The following SNTG1 variants were observed in gnomAD, a reference collection of about 807,000 sequenced individuals.
SNTG1 encodes the protein gamma-1-syntrophin.
Under a neutral mutation model 74.7 loss-of-function variants are expected in SNTG1, and 39 were observed. The ratio of observed to expected loss-of-function variants is 0.52; its 90% CI spans 0.40 to 0.68. The LOEUF is 0.68. Among genes scored for constraint, SNTG1 ranks in the 30% least tolerant of loss-of-function variants. The probability of loss-of-function intolerance (pLI) is 0.00; values close to 1 mark genes in which losing one functional copy is unlikely to be tolerated. For synonymous variants in SNTG1, 254 were observed against 217.1 expected, an observed-to-expected ratio of 1.17 and a Z score of -1.49; for missense variants, 685 against 609.5, an observed-to-expected ratio of 1.12 and a Z score of -1.30.
chr8:50,256,177 A>G (rs1048837037), intron 2 of SNTG1, among the ~76,000 whole-genome samples: 2 of 142,282 alleles, frequency 1.4e-5, no homozygotes, highest in African/African-American at 4.9e-5. Flanking sequence ...ATACATTCCC[A>G]TTTTGCTATA....
At chr8:50,758,209 T>C (rs6981207) in intron 18 of SNTG1, among the ~76,000 whole-genome samples, 66,162 of 151,724 alleles carry the variant, frequency 0.44, 16,654 homozygotes, top group African/African-American at 0.7. Flanking sequence ...TTTCAAATGC[T>C]TGTTCTAATA....
At chr8:49,936,892 T>C (rs1228315195) in intron 1 of SNTG1, among the ~76,000 whole-genome samples, 4 of 152,318 alleles carry the variant, frequency 2.6e-5, no homozygotes, top group Middle Eastern at 3.4e-3. Context: ...CTCATGTCTG[T>C]AATCCCAGCA....
chr8:50,418,771 C>G (rs1319328279), intron 4 of SNTG1, among the ~76,000 whole-genome samples: 1 of 152,086 alleles, frequency 6.6e-6, no homozygotes, highest in African/African-American at 2.4e-5. Flanking sequence ...ACAACGTTTC[C>G]TATCCCAATA....
At chr8:50,359,668 C>A (rs1189176018) in intron 2 of SNTG1, among the ~76,000 whole-genome samples, 1 of 152,088 alleles carries the variant, frequency 6.6e-6, no homozygotes, top group African/African-American at 2.4e-5. Context: ...ACTTTAAATG[C>A]GTGAAAGAAA....
At chr8:50,205,398 G>A (rs1244193701) in intron 2 of SNTG1, among the ~76,000 whole-genome samples, 10 of 152,128 alleles carry the variant, frequency 6.6e-5, no homozygotes, top group African/African-American at 2.2e-4. Context: ...CATATCCTTT[G>A]CCCACTTTTT....
chr8:50,213,630 G>C (rs1056800426), intron 2 of SNTG1, among the ~76,000 whole-genome samples: 4 of 151,904 alleles, frequency 2.6e-5, no homozygotes, highest in Admixed American at 2.6e-4. Context: ...TCTAACTGGT[G>C]TGAGATGGTA....
At chr8:50,327,656 C>CTGGTTATTG in intron 2 of SNTG1, among the ~76,000 whole-genome samples, 1 of 152,198 alleles carries the variant, frequency 6.6e-6, no homozygotes, top group South Asian at 2.1e-4. Flanking sequence ...TGACATTATA[C>CTGGTTATTG]TGGTTATTGA....
intron 2 of SNTG1, among the ~76,000 whole-genome samples, chr8:50,329,864 T>C (rs2090895654): frequency 6.6e-6 from 1 of 152,210 alleles, no homozygotes. Context: ...ACTTTTATGC[T>C]CTGCTTCCTT....
intron 18 of SNTG1, among the ~76,000 whole-genome samples, chr8:50,788,084 T>C (rs1447979697): frequency 6.6e-6 from 1 of 151,996 alleles, no homozygotes; most frequent in African/African-American, 2.4e-5. Flanking sequence ...TACACAATAA[T>C]GACATAAGTA....
At chr8:50,666,653 C>T (rs1291365470) in intron 15 of SNTG1, among the ~76,000 whole-genome samples, 1 of 151,942 alleles carries the variant, frequency 6.6e-6, no homozygotes, top group Non-Finnish European at 1.5e-5. Context: ...GTGAACCTGC[C>T]TCATATAGAG....
chr8:50,459,560 G>A (rs1433189223), intron 8 of SNTG1, among the ~76,000 whole-genome samples: 2 of 151,994 alleles, frequency 1.3e-5, no homozygotes, highest in African/African-American at 2.4e-5. Flanking sequence ...GGAGGTACAT[G>A]TGCAGGTTTT....
intron 13 of SNTG1, among the ~76,000 whole-genome samples, chr8:50,610,980 A>T (rs2094845681): frequency 6.6e-6 from 1 of 151,682 alleles, no homozygotes; most frequent in Non-Finnish European, 1.5e-5. Flanking sequence ...AAATAGCAAA[A>T]AAAAATTAAA....
intron 17 of SNTG1, among the ~76,000 whole-genome samples, chr8:50,719,412 C>T (rs2095482450): frequency 6.6e-6 from 1 of 152,130 alleles, no homozygotes; most frequent in Admixed American, 6.6e-5. Context: ...AATGACCTTT[C>T]ACCAGACACC....
intron 2 of SNTG1, among the ~76,000 whole-genome samples, chr8:50,232,210 T>G (rs776087953): frequency 6.6e-6 from 1 of 151,440 alleles, no homozygotes; most frequent in Non-Finnish European, 1.5e-5. Context: ...TTTAAAAATT[T>G]TGTAAAGTAG....
intron 9 of SNTG1, among the ~76,000 whole-genome samples, chr8:50,515,271 T>C (rs1002413192): frequency 3.3e-5 from 5 of 151,684 alleles, no homozygotes; most frequent in Non-Finnish European, 7.4e-5. Context: ...ATTCTTATAT[T>C]ATAGTCTATC....
intron 18 of SNTG1, among the ~76,000 whole-genome samples, chr8:50,779,372 AT>A (rs2095651330): frequency 1.3e-5 from 2 of 151,988 alleles, no homozygotes; most frequent in African/African-American, 4.8e-5. Context: ...ATCCTCTTTT[AT>A]TTCATCGAGC....
chr8:50,396,540 C>T lies in SNTG1; in HGVS notation c.27+2275C>T, dbSNP rs145243847. The stretch of plus-strand genomic sequence containing the variant: ...TAAAAGAACATTTAGTACACTACTG[C>T]TACAATGCAGTACAGTATAAGACAA... On this transcript the variant is annotated intron_variant, in intron 3 of 18. Transcript: ENST00000642720. 5.9e-5 allele frequency among the ~76,000 whole-genome samples: 9 copies of T among 152,280 alleles called. No individual in the cohort carries two copies. In the East Asian group the frequency reaches 1.7e-3, roughly 29 times the overall value.
At position 50,119,185 on chromosome 8, in the gene SNTG1, C is replaced by T. The variant is rs1351716212; in HGVS notation, c.-102-53376C>T. ...CTCTTCTTTCTCTCACTGCCTTTCT[C>T]TATATGGTAAAAAATTATATAGCCA... On this transcript the variant is annotated intron_variant, in intron 1 of 18. Coordinates refer to ENST00000642720, the MANE Select transcript of SNTG1 (RefSeq NM_018967.5). 3.5e-5 allele frequency among the ~76,000 whole-genome samples: 5 copies of T among 141,480 alleles called. 1 individual carries two copies. Among genetic ancestry groups the T allele is most frequent in the African/African-American group, 1.3e-4 (5 of 39,052 alleles). The allele number at this position is 141,480 out of a possible 152,430, so 92.8% of individuals were successfully genotyped here. A position where few individuals can be genotyped will look rare whatever the true frequency, so the allele number is the denominator to read the frequency against.
In SNTG1 at chr8:50,751,985, T is replaced by C. The variant is rs774868029; in HGVS notation, c.1285-16T>C. On this transcript the variant is annotated splice_polypyrimidine_tract_variant and intron_variant, in intron 17 of 18. Transcript: ENST00000642720. ...TTAATTCCACCGACTTACATTGTTT[T>C]TTTTCCCCCCTTTAGGCTGTCCTTT... The C allele has an allele frequency of 3.4e-6, 5 of 1,474,312 alleles. No homozygotes were observed. The highest frequency in any genetic ancestry group is 3.0e-5 in the African/African-American group (2 of 66,796). 91.3% of individuals were successfully genotyped at this position (1,474,312 alleles called of 1,614,324 possible).
Sources: allele counts gnomAD v4.1 joint callset (sites outside exome capture counted in the v4.1 genomes callset), GRCh38; gene constraint gnomAD v4.1.1; transcripts MANE v1.5; gene names NCBI Gene and HGNC (gene_info 2026-07-23, HGNC 2026-07-21).